Variants in ALDH2 observed in about 807,000 individuals in gnomAD.
ALDH2 encodes the protein aldehyde dehydrogenase 2 family member.
Under a neutral mutation model 59.6 loss-of-function variants are expected in ALDH2, and 44 were observed. That is an observed-to-expected ratio of 0.74 (90% CI 0.58 to 0.95). The LOEUF (loss-of-function observed/expected upper bound fraction) is 0.95, where lower values mean the gene tolerates loss of function less well. ALDH2 is among the 40% of genes least tolerant of loss of function. The pLI, the probability that ALDH2 is intolerant of heterozygous loss-of-function variation, is 0.00. For synonymous variants in ALDH2, 291 were observed against 284.0 expected (o/e 1.02, Z -0.25); for missense variants, 570 against 696.3 (o/e 0.82, Z 2.04).
chr12:111,807,697 G>A (rs2068507942), intron 12 of ALDH2, among the ~76,000 whole-genome samples: 1 of 152,112 alleles, frequency 6.6e-6, no homozygotes, highest in South Asian at 2.1e-4. Flanking sequence ...CGAGAAATAT[G>A]GCTCTTCCAG....
rs997061338 is a variant in ALDH2 at position 111,811,134 on chromosome 12, C to T, written c.*1559C>T. 3 of 149,278 alleles carry T rather than the reference C, an allele frequency of 2.0e-5. No homozygotes were observed. The highest frequency in any genetic ancestry group is 4.4e-5 in the Non-Finnish European group (3 of 67,630). The allele number at this position is 149,278 out of a possible 1,614,324, so 9.2% of individuals were successfully genotyped here. On this transcript the variant is annotated 3_prime_UTR_variant, in exon 13 of 13. Coordinates refer to ENST00000261733, the MANE Select transcript of ALDH2 (RefSeq NM_000690.4). ...GGTGGGTCACCTGAGGTTGGGAGTT[C>T]GAGACCAGCCTGACCAACAGGGAGA...
chr12:111,797,653 A>G (rs2068416292), intron 9 of ALDH2, among the ~76,000 whole-genome samples: 1 of 152,052 alleles, frequency 6.6e-6, no homozygotes, highest in South Asian at 2.1e-4. Flanking sequence ...ATCCTTGTTC[A>G]TTTCTCTTTG....
intron 9 of ALDH2, 122 bp downstream of exon 9, chr12:111,792,904 T>C: frequency 8.8e-7 from 1 of 1,135,318 alleles, no homozygotes; most frequent in Non-Finnish European, 1.2e-6. Context: ...AGCAGCTGTG[T>C]GCCTTTGGGA....
chr12:111,802,811 C>T (rs1342649513), intron 11 of ALDH2, among the ~76,000 whole-genome samples: 14 of 145,954 alleles, frequency 9.6e-5, no homozygotes, highest in Admixed American at 2.1e-4. Context: ...ACCTGGGAGG[C>T]GGAGCTTGCG....
rs2068549608 is a variant in ALDH2 at position 111,813,378 on chromosome 12, A to C, written c.*3803A>C. On this transcript the variant is annotated 3_prime_UTR_variant, in exon 13 of 13. Transcript: ENST00000261733. ...AAGAATTAACAGGACAGCCCCTCCCACCGGTGTCCTTCCAACGATGTTGCA... is the reference window on the plus strand; with the variant it reads ...AAGAATTAACAGGACAGCCCCTCCCCCCGGTGTCCTTCCAACGATGTTGCA... 6.6e-6 allele frequency: 1 copy of C among 152,158 alleles called. No homozygotes were observed. The highest frequency in any genetic ancestry group is 2.4e-5 in the African/African-American group (1 of 41,440). The allele number at this position is 152,158 out of a possible 1,614,324, so 9.4% of individuals were successfully genotyped here. A position where few individuals can be genotyped will look rare whatever the true frequency, so the allele number is the denominator to read the frequency against.
intron 1 of ALDH2, among the ~76,000 whole-genome samples, chr12:111,772,208 A>T (rs1248858002): frequency 6.6e-6 from 1 of 152,198 alleles, no homozygotes; most frequent in Non-Finnish European, 1.5e-5. Context: ...GCAGATAATC[A>T]CTGTTAACGG....
chr12:111,795,487 T>C (rs2068395826), intron 9 of ALDH2, among the ~76,000 whole-genome samples: 1 of 152,122 alleles, frequency 6.6e-6, no homozygotes, highest in South Asian at 2.1e-4. Flanking sequence ...TTCACCAAGA[T>C]GGTCAGGCTG....
At chr12:111,785,406 T>C in intron 4 of ALDH2, 60 bp downstream of exon 4, 1 of 1,449,580 alleles carries the variant, frequency 6.9e-7, no homozygotes, top group Non-Finnish European at 9.7e-7. Context: ...GCAACGTTGT[T>C]AGGAGGTAAA....
At chr12:111,783,492 C>T (rs903805782) in intron 3 of ALDH2, among the ~76,000 whole-genome samples, 194 bp downstream of exon 3, 2 of 152,044 alleles carry the variant, frequency 1.3e-5, no homozygotes, top group Non-Finnish European at 2.9e-5. Flanking sequence ...TTCAGTGTCT[C>T]CTTTGTTTTT....
intron 1 of ALDH2, among the ~76,000 whole-genome samples, chr12:111,780,662 C>T (rs575362769): frequency 2.0e-5 from 3 of 152,320 alleles, no homozygotes; most frequent in African/African-American, 7.2e-5. Context: ...TTCCCTTCGC[C>T]TTCATCTGTA....
intron 12 of ALDH2, among the ~76,000 whole-genome samples, chr12:111,804,334 C>T (rs2068476663): frequency 6.6e-6 from 1 of 152,204 alleles, no homozygotes; most frequent in Non-Finnish European, 1.5e-5. Flanking sequence ...CCTATGCGGT[C>T]ATTTGCTGGG....
intron 4 of ALDH2, among the ~76,000 whole-genome samples, chr12:111,787,054 A>T (rs2136015845): frequency 6.6e-6 from 1 of 152,140 alleles, no homozygotes; most frequent in East Asian, 1.9e-4. Flanking sequence ...AATATACAAA[A>T]ATTAACCAGG....
At chr12:111,775,008 T>G (rs968670346) in intron 1 of ALDH2, among the ~76,000 whole-genome samples, 4 of 152,244 alleles carry the variant, frequency 2.6e-5, no homozygotes, top group Admixed American at 2.6e-4. Flanking sequence ...GGCGATCACT[T>G]GTCCTAAAAG....
intron 1 of ALDH2, chr12:111,775,688 C>G (rs1438279508): frequency 2.2e-6 from 1 of 455,790 alleles, no homozygotes; most frequent in Non-Finnish European, 4.4e-6. Context: ...ATCCCCCCAC[C>G]ACGCCCCGCC....
chr12:111,801,248 GGAAA>G (rs1169547110), intron 11 of ALDH2, among the ~76,000 whole-genome samples: 1 of 152,240 alleles, frequency 6.6e-6, no homozygotes, highest in East Asian at 1.9e-4. Context: ...GAATAGCATG[GGAAA>G]GACCTGGCCC....
intron 12 of ALDH2, among the ~76,000 whole-genome samples, chr12:111,807,991 C>G (rs538660765): frequency 6.6e-6 from 1 of 151,908 alleles, no homozygotes; most frequent in African/African-American, 2.4e-5. Flanking sequence ...ATTCTCATGC[C>G]TCAGCCACTT....
At chr12:111,786,837 A>G (rs1240897129) in intron 4 of ALDH2, among the ~76,000 whole-genome samples, 2 of 152,030 alleles carry the variant, frequency 1.3e-5, no homozygotes, top group Non-Finnish European at 2.9e-5. Context: ...ATGAGTTACT[A>G]TGCCCAGCAA....
chr12:111,775,725 G>A (rs1433604627), intron 1 of ALDH2: 3 of 454,398 alleles, frequency 6.6e-6, no homozygotes, highest in South Asian at 1.6e-5. Flanking sequence ...TGTTATGTAA[G>A]TCGAGCTTCG....
intron 3 of ALDH2, among the ~76,000 whole-genome samples, chr12:111,784,893 C>A (rs2068298511): frequency 6.6e-6 from 1 of 152,214 alleles, no homozygotes; most frequent in South Asian, 2.1e-4. Flanking sequence ...CTACATCCGG[C>A]CTCTAGCACT....
Sources: allele counts gnomAD v4.1 joint callset (sites outside exome capture counted in the v4.1 genomes callset), GRCh38; gene constraint gnomAD v4.1.1; transcripts MANE v1.5; gene names NCBI Gene and HGNC (gene_info 2026-07-23, HGNC 2026-07-21).